Variants in ZC3H18 observed in about 807,000 individuals in gnomAD.
ZC3H18 encodes zinc finger CCCH domain-containing protein 18.
Under a neutral mutation model 106.1 loss-of-function variants are expected in ZC3H18, and 8 were observed. The observed-to-expected ratio is 0.08, with a 90% confidence interval of 0.04 to 0.14. ZC3H18 has a LOEUF of 0.14. Among genes scored for constraint, ZC3H18 ranks in the 10% least tolerant of loss-of-function variants. The probability of loss-of-function intolerance (pLI) is 1.00; values close to 1 mark genes in which losing one functional copy is unlikely to be tolerated. For synonymous variants in ZC3H18, 635 were observed against 522.1 expected (o/e 1.22, Z -2.95); for missense variants, 1,318 against 1,278.4 (o/e 1.03, Z -0.47).
rs1227017475 is a variant in ZC3H18, at chr16:88,628,327, T to A, written c.2469+208T>A. Among the ~76,000 whole-genome samples the A allele has an allele frequency of 5.5e-4, 84 of 152,272 alleles. 1 individual carries two copies. The highest frequency in any genetic ancestry group is 3.4e-3 in the Middle Eastern group (1 of 294). On this transcript the variant is annotated intron_variant, in intron 15 of 17. Coordinates refer to ENST00000301011, the MANE Select transcript of ZC3H18 (RefSeq NM_144604.4). ...GCATCTGGGGAGGTTTGGGTGCTGC[T>A]GGCCTCTCTCTGAACAGAGAGGGCG...
chr16:88,593,317 G>A lies in ZC3H18; in HGVS notation c.689-4861G>A, dbSNP rs541913926. 3.3e-5 allele frequency among the ~76,000 whole-genome samples: 5 copies of A among 152,350 alleles called. No individual in the cohort carries two copies. In the East Asian group the frequency reaches 7.7e-4, roughly 23 times the overall value. ...CGTACCCCCAACGGTTGTTGGCCAA[G>A]AGGGCTGCTAAGTGACTAGTGGGCA... is the stretch of plus-strand genomic sequence containing the variant. On this transcript the variant is annotated intron_variant, in intron 3 of 17. Transcript: ENST00000301011.
At chr16:88,613,888 A>G (rs1391847496) in intron 8 of ZC3H18, among the ~76,000 whole-genome samples, 1 of 152,136 alleles carries the variant, frequency 6.6e-6, no homozygotes, top group African/African-American at 2.4e-5. Flanking sequence ...TCTTACACAT[A>G]GGTCTTTGAT....
At chr16:88,628,732 C>T (rs377041641) in intron 15 of ZC3H18, 26 bp from the exon 16 acceptor site, 160 of 1,612,956 alleles carry the variant, frequency 9.9e-5, no homozygotes, top group Non-Finnish European at 1.3e-4. Context: ...GCCCTGCTGT[C>T]CTCACTGGCC....
rs182510089 is a variant in ZC3H18 at position 88,628,265 on chromosome 16, G to C, written c.2469+146G>C. ...GTCAGCACAGCCTGGGTAACAAAGC[G>C]AGACTCCATCTTTCCGGCCTGGGCT... On this transcript the variant is annotated intron_variant, in intron 15 of 17. Coordinates refer to ENST00000301011, the MANE Select transcript of ZC3H18 (RefSeq NM_144604.4). 5 of 958,262 alleles carry C rather than the reference G, an allele frequency of 5.2e-6. No homozygotes were observed. In the African/African-American group the frequency reaches 8.3e-5, roughly 16 times the overall value. The allele number at this position is 958,262 out of a possible 1,614,324, so 59.4% of individuals were successfully genotyped here.
chr16:88,602,432 TC>T (rs1388231209), intron 6 of ZC3H18, among the ~76,000 whole-genome samples: 1 of 152,210 alleles, frequency 6.6e-6, no homozygotes, highest in Non-Finnish European at 1.5e-5. Flanking sequence ...AGCTGTGACC[TC>T]CTGGTGTGGT....
chr16:88,598,407 G>A, intron 4 of ZC3H18, 81 bp downstream of exon 4: 3 of 1,537,654 alleles, frequency 2.0e-6, no homozygotes, highest in African/African-American at 1.4e-5. Context: ...ACAAGTCACT[G>A]TGCCTTAGCA....
chr16:88,575,704 G>A (rs12443539), intron 1 of ZC3H18, among the ~76,000 whole-genome samples: 10,475 of 151,936 alleles, frequency 0.069, 601 homozygotes, highest in Non-Finnish European at 0.099. Flanking sequence ...AAGTGACCCC[G>A]TCTTTTTTTG....
chr16:88,618,731 C>T (rs183372856), intron 8 of ZC3H18, among the ~76,000 whole-genome samples: 14 of 152,302 alleles, frequency 9.2e-5, no homozygotes, highest in East Asian at 5.8e-4. Context: ...GATGATAGCG[C>T]GGGCCTTGTG....
intron 7 of ZC3H18, among the ~76,000 whole-genome samples, chr16:88,609,856 C>A (rs1362166123): frequency 6.6e-6 from 1 of 152,192 alleles, no homozygotes; most frequent in Non-Finnish European, 1.5e-5. Flanking sequence ...CTATCTCAGC[C>A]TCCCAAAGTG....
chr16:88,587,494 G>T (rs909638087), intron 3 of ZC3H18: 34 of 1,477,186 alleles, frequency 2.3e-5, no homozygotes, highest in Middle Eastern at 1.7e-4. Flanking sequence ...CTGCCAGCCT[G>T]TGTGTGCCAT....
intron 16 of ZC3H18, 84 bp downstream of exon 16, chr16:88,628,938 C>G: frequency 7.2e-7 from 1 of 1,382,310 alleles, no homozygotes. Context: ...CCCCATTGCT[C>G]TTAACAAGTA....
rs556891447 is a variant in ZC3H18, at chr16:88,631,179, C to T, written c.2742C>T (p.Ala914=). ...SVPGKASDPG[A]ASTKSGKAST... ...CCGGCAAAGCCTCGGATCCCGGCGC[C>T]GCCAGCACCAAATCAGGGAAGGCCA... The change falls in exon 18 of 18, where the codon GCC becomes GCT. Residue 914 remains alanine, a synonymous_variant. Coordinates refer to ENST00000301011, the MANE Select transcript of ZC3H18 (RefSeq NM_144604.4). 30 of 1,613,720 alleles carry T rather than the reference C, an allele frequency of 1.9e-5. No individual in the cohort carries two copies. The highest frequency in any genetic ancestry group is 6.7e-5 in the Admixed American group (4 of 60,022).
rs566934223 is a variant in ZC3H18 at position 88,578,768 on chromosome 16, T to G, written c.603+1042T>G. Among the ~76,000 whole-genome samples, 73 of 152,270 alleles carry G rather than the reference T, an allele frequency of 4.8e-4. 1 individual carries two copies. In the Middle Eastern group the frequency reaches 0.014, roughly 28 times the overall value. ...GTGCAGTGGCGCCATCTCAGCTCAC[T>G]ACAGCCTCTACCCCCAGGTTCAGGC... is the stretch of plus-strand genomic sequence containing the variant. On this transcript the variant is annotated intron_variant, in intron 2 of 17. Coordinates refer to ENST00000301011, the MANE Select transcript of ZC3H18 (RefSeq NM_144604.4).
intron 3 of ZC3H18, among the ~76,000 whole-genome samples, chr16:88,593,008 G>A (rs1345476973): frequency 4.6e-5 from 7 of 152,208 alleles, no homozygotes; most frequent in African/African-American, 7.2e-5. Context: ...CTATGATAAA[G>A]TTTAATTTAT....
intron 7 of ZC3H18, among the ~76,000 whole-genome samples, chr16:88,610,027 G>A (rs149767146): frequency 1.0e-3 from 154 of 152,060 alleles, no homozygotes; most frequent in African/African-American, 3.6e-3. Context: ...AGGATGTGGC[G>A]CCTGTTCTGG....
chr16:88,598,985 A>G (rs921209960), intron 5 of ZC3H18, among the ~76,000 whole-genome samples: 2 of 152,182 alleles, frequency 1.3e-5, no homozygotes, highest in Non-Finnish European at 2.9e-5. Flanking sequence ...CGGCCTCCCA[A>G]GTAGCTGGGA....
In ZC3H18 at chr16:88,624,608, G is replaced by A. The variant is rs1347017186; in HGVS notation, c.1905G>A (p.Lys635=). Residue 635 remains lysine, a synonymous_variant, in exon 12 of 18, where the codon AAG becomes AAA. Coordinates refer to ENST00000301011, the MANE Select transcript of ZC3H18 (RefSeq NM_144604.4). The part of the protein sequence containing the change: ...PAPPPGKAGE[K]SVKKPAPPPA... The stretch of plus-strand genomic sequence containing the variant: ...GAGCCTCCCTGTCTCACAGAGAGAA[G>A]TCAGTGAAGAAGCCGGCCCCGCCTC... The A allele has an allele frequency of 6.2e-7, 1 of 1,611,790 alleles. No homozygotes were observed. The highest frequency in any genetic ancestry group is 8.5e-7 in the Non-Finnish European group (1 of 1,179,100).
intron 9 of ZC3H18, 162 bp from the exon 10 acceptor site, chr16:88,623,057 A>G: frequency 1.0e-6 from 1 of 963,832 alleles, no homozygotes; most frequent in Non-Finnish European, 1.5e-6. Context: ...GGGAGGCTGT[A>G]TGCGTCTGTG....
intron 1 of ZC3H18, among the ~76,000 whole-genome samples, chr16:88,570,876 G>C (rs1247053918): frequency 1.3e-5 from 2 of 152,256 alleles, no homozygotes; most frequent in East Asian, 3.8e-4. Flanking sequence ...TCTCTTCCGG[G>C]CCACTCGCGT....
Sources: allele counts gnomAD v4.1 joint callset (sites outside exome capture counted in the v4.1 genomes callset), GRCh38; gene constraint gnomAD v4.1.1; transcripts MANE v1.5; gene names NCBI Gene and HGNC (gene_info 2026-07-23, HGNC 2026-07-21).